PRIM1: variants seen among roughly 807,000 people sequenced by gnomAD.
PRIM1 encodes the protein DNA primase subunit 1, also known as DNA primase small subunit.
In PRIM1, 38 loss-of-function variants were observed where a neutral mutation model predicts 60.2. The ratio of observed to expected loss-of-function variants is 0.63; its 90% CI spans 0.49 to 0.83. The LOEUF is 0.83. PRIM1 is among the 40% of genes least tolerant of loss of function. The pLI is 0.00. For synonymous variants in PRIM1, 158 were observed against 160.2 expected, an observed-to-expected ratio of 0.99 and a Z score of 0.10; for missense variants, 388 against 506.2, an observed-to-expected ratio of 0.77 and a Z score of 2.24.
At chr12:56,732,767 C>G (rs949428600) in intron 12 of PRIM1, among the ~76,000 whole-genome samples, 1 of 96,160 alleles carries the variant, frequency 1.0e-5, no homozygotes. Flanking sequence ...TGGCCTTTTT[C>G]CACCTCCATA....
chr12:56,748,108 C>T (rs1953921173), intron 2 of PRIM1, among the ~76,000 whole-genome samples: 1 of 152,106 alleles, frequency 6.6e-6, no homozygotes, highest in Admixed American at 6.6e-5. Context: ...TCTTTCATTT[C>T]CCTGGCAGAA....
intron 11 of PRIM1, among the ~76,000 whole-genome samples, chr12:56,736,126 T>C (rs1369956256): frequency 4.0e-5 from 6 of 150,596 alleles, no homozygotes; most frequent in Non-Finnish European, 8.9e-5. Flanking sequence ...GGAGAAACCC[T>C]GTCTCTAGTA....
intron 11 of PRIM1, among the ~76,000 whole-genome samples, chr12:56,736,937 GC>G (rs1953837285): frequency 6.6e-6 from 1 of 151,992 alleles, no homozygotes. Flanking sequence ...ACAGGTGCCT[GC>G]CAGCATGTCT....
chr12:56,739,892 A>G (rs1592332971), intron 9 of PRIM1, among the ~76,000 whole-genome samples: 1 of 152,032 alleles, frequency 6.6e-6, no homozygotes, highest in South Asian at 2.1e-4. Context: ...TAATCCCAGC[A>G]CTCTGGGAGG....
At chr12:56,751,966 GT>G (rs66861394) in intron 1 of PRIM1, among the ~76,000 whole-genome samples, 34,261 of 79,286 alleles carry the variant, frequency 0.43, 7,313 homozygotes, top group South Asian at 0.53. Context: ...CGGCGGCTCT[GT>G]TTTTTTTTTT....
At chr12:56,751,258 T>A in intron 1 of PRIM1, 63 bp from the exon 2 acceptor site, 1 of 1,243,622 alleles carries the variant, frequency 8.0e-7, no homozygotes, top group Non-Finnish European at 1.1e-6. Context: ...GGCATTATAA[T>A]TTTAGCCAAT....
chr12:56,732,013 G>A (rs559346657), intron 12 of PRIM1, among the ~76,000 whole-genome samples: 3 of 152,178 alleles, frequency 2.0e-5, no homozygotes, highest in Non-Finnish European at 4.4e-5. Flanking sequence ...TGTCTACTGA[G>A]TAGAGCATTA....
At chr12:56,742,721 A>G (rs1185525274) in intron 7 of PRIM1, among the ~76,000 whole-genome samples, 1 of 152,198 alleles carries the variant, frequency 6.6e-6, no homozygotes, top group African/African-American at 2.4e-5. Flanking sequence ...CCTGGTCTGC[A>G]TGTATTTTGA....
intron 9 of PRIM1, 100 bp downstream of exon 9, chr12:56,741,335 A>G: frequency 1.6e-6 from 2 of 1,256,474 alleles, no homozygotes; most frequent in Non-Finnish European, 2.1e-6. Flanking sequence ...TCTACCTTTA[A>G]ATCATAGACA....
chr12:56,749,858 A>G (rs1953933933), intron 2 of PRIM1, among the ~76,000 whole-genome samples: 2 of 152,246 alleles, frequency 1.3e-5, no homozygotes, highest in African/African-American at 4.8e-5. Context: ...ATATTTGAGA[A>G]GGGGAAGAAG....
In PRIM1 at chr12:56,747,884, C is replaced by T. The variant is rs573615768; in HGVS notation, c.262-852G>A. On this transcript the variant is annotated intron_variant, in intron 2 of 12. Transcript: ENST00000338193. ...GATAAGAGGCGCAACCCAATTTATA[C>T]CTCAGAACCCCCAAAAGGCTCAGGG... Among the ~76,000 whole-genome samples, 16 of 152,182 alleles carry T rather than the reference C, an allele frequency of 1.1e-4. No individual in the cohort carries two copies. In the South Asian group the frequency reaches 2.3e-3, roughly 22 times the overall value.
intron 5 of PRIM1, among the ~76,000 whole-genome samples, chr12:56,745,229 T>C (rs979624938): frequency 4.6e-5 from 7 of 151,850 alleles, no homozygotes; most frequent in Non-Finnish European, 7.4e-5. Flanking sequence ...CTGGGCAATA[T>C]AGTGAGACCT....
chr12:56,735,679 C>A (rs1161215987), intron 11 of PRIM1, among the ~76,000 whole-genome samples: 1 of 148,942 alleles, frequency 6.7e-6, no homozygotes, highest in Non-Finnish European at 1.5e-5. Context: ...GAGATGGAGT[C>A]TTGCTCTGTC....
rs1225433618 is a variant in PRIM1 at position 56,752,098 on chromosome 12, C to T, written c.103+98G>A. On this transcript the variant is annotated intron_variant, in intron 1 of 12. Coordinates refer to ENST00000338193, the MANE Select transcript of PRIM1 (RefSeq NM_000946.3). The stretch of plus-strand genomic sequence containing the variant: ...GCAAATGAAGGCGCGCGGCACAAAG[C>T]CTGGTGCACAGAAGGCGCTTCATAT... 3 of 823,632 alleles carry T rather than the reference C, an allele frequency of 3.6e-6. No homozygotes were observed. The Admixed American group carries it at 7.6e-5, about 21-fold the overall frequency. 51.0% of individuals were successfully genotyped at this position (823,632 alleles called of 1,614,324 possible). A position where few individuals can be genotyped will look rare whatever the true frequency, so the allele number is the denominator to read the frequency against.
chr12:56,734,162 G>A lies in PRIM1; in HGVS notation c.1228C>T (p.Leu410Phe). ...ENLDKSRKGELLKKSDLQKDF is the reference protein window; with the variant it reads ...ENLDKSRKGEFLKKSDLQKDF ...AGCGTCTTACCACTCTTCTTAAGAA[G>A]TTCTCCTTTTCGGGATTTATCCAGA... The change falls in exon 12 of 13, where the codon CTT becomes TTT. Residue 410 changes from leucine (L) to phenylalanine (F), a missense_variant. Around this residue, in one of 3 missense-constraint regions of PRIM1, gnomAD observed 211 missense variants for 277.9 expected, o/e 0.76. Coordinates refer to ENST00000338193, the MANE Select transcript of PRIM1 (RefSeq NM_000946.3). The A allele has an allele frequency of 6.2e-7, 1 of 1,601,064 alleles. No homozygotes were observed. Among genetic ancestry groups the A allele is most frequent in the Non-Finnish European group, 8.6e-7 (1 of 1,168,980 alleles).
rs1403003877 is a variant in PRIM1 at position 56,742,959 on chromosome 12, A to T, written c.748+28T>A. On this transcript the variant is annotated intron_variant, in intron 7 of 12. Transcript: ENST00000338193. The stretch of plus-strand genomic sequence containing the variant: ...TATCACAGATCAAAACAACTAGCTC[A>T]CACAGAAATGATCACGGGAAAGGAT... 2.7e-6 allele frequency: 4 copies of T among 1,465,488 alleles called. 1 individual carries two copies. In the South Asian group the frequency reaches 4.0e-5, roughly 15 times the overall value. 90.8% of individuals were successfully genotyped at this position (1,465,488 alleles called of 1,614,324 possible).
intron 2 of PRIM1, among the ~76,000 whole-genome samples, chr12:56,750,504 A>T (rs1953938872): frequency 6.6e-6 from 1 of 152,206 alleles, no homozygotes; most frequent in African/African-American, 2.4e-5. Flanking sequence ...TTTTATATGT[A>T]TATTTGACCT....
intron 9 of PRIM1, 53 bp downstream of exon 9, chr12:56,741,382 G>A: frequency 1.3e-6 from 2 of 1,542,206 alleles, no homozygotes; most frequent in East Asian, 4.5e-5. Context: ...GCTTACTAAA[G>A]CCAATAGCAA....
In PRIM1 at chr12:56,733,309, C is replaced by G. The variant is rs560499159; in HGVS notation, c.1243+838G>C. ...AGTAGCTGGGATTACAGGCTCCCAC[C>G]ACCACACCCAGCTAATTTTTTGTAT... On this transcript the variant is annotated intron_variant, in intron 12 of 12. Transcript: ENST00000338193. 2.1e-4 allele frequency among the ~76,000 whole-genome samples: 32 copies of G among 151,638 alleles called. No individual in the cohort carries two copies. The East Asian group carries it at 5.3e-3, about 25-fold the overall frequency.
Sources: gnomAD v4.1 joint callset for allele counts (sites outside exome capture counted in the v4.1 genomes callset) on GRCh38, gnomAD v4.1.1 for gene constraint, gnomAD v4.1.1 regional missense constraint, MANE v1.5 for transcripts, NCBI Gene and HGNC (gene_info 2026-07-23, HGNC 2026-07-21) for gene names.